The following ENKUR variants were observed in gnomAD, a reference collection of about 807,000 sequenced individuals.
ENKUR encodes the protein enkurin.
In ENKUR, 19 loss-of-function variants were observed where a neutral mutation model predicts 27.6. The ratio of observed to expected loss-of-function variants is 0.69; its 90% CI spans 0.48 to 1.01. The LOEUF (loss-of-function observed/expected upper bound fraction) is 1.01. Among genes scored for constraint, ENKUR ranks in the 50% least tolerant of loss-of-function variants. The pLI is 0.00. For synonymous variants in ENKUR, 117 were observed against 96.9 expected (o/e 1.21, Z -1.22); for missense variants, 312 against 310.5 (o/e 1.00, Z -0.04).
intron 2 of ENKUR, chr10:25,023,052 T>C (rs1157313496): frequency 2.6e-5 from 15 of 568,546 alleles, no homozygotes. Context: ...GTTTGGAAGA[T>C]TTTTAAACAG....
chr10:25,061,445 C>T (rs1851326879), intron 1 of ENKUR: 4 of 334,632 alleles, frequency 1.2e-5, no homozygotes, highest in Middle Eastern at 1.7e-3. Flanking sequence ...CCTCCTTCTG[C>T]TCCTCATTGC....
chr10:25,036,132 A>C (rs1193065519), intron 2 of ENKUR, among the ~76,000 whole-genome samples: 4 of 152,158 alleles, frequency 2.6e-5, no homozygotes, highest in African/African-American at 9.6e-5. Flanking sequence ...CTGTGTCCCC[A>C]CCCAAATCTC....
intron 2 of ENKUR, chr10:25,024,865 C>T (rs770057423): frequency 1.8e-5 from 29 of 1,613,950 alleles, no homozygotes; most frequent in Non-Finnish European, 2.5e-5. Flanking sequence ...AAAAACAGGA[C>T]ATTATGATCT....
Position 24,984,891 on chromosome 10 carries a change from G to C in ENKUR, c.609C>G (p.Asn203Lys). Residue 203 changes from asparagine (N) to lysine (K), a missense_variant, in exon 5 of 6, where the codon AAC (asparagine) becomes AAG (lysine). Asn to Lys is a moderately conservative substitution (Grantham distance 94). Coordinates refer to ENST00000331161, the MANE Select transcript of ENKUR (RefSeq NM_145010.4). ...GGAATTCTTTATGCACCTCTTCCCA[G>C]TTCTTTTTCAGCCCCTGCAAATGGT... ...REAVLQGLKK[N>K]WEEVHKEFQS... The C allele has an allele frequency of 6.2e-7, 1 of 1,611,804 alleles. No homozygotes were observed. The highest frequency in any genetic ancestry group is 8.5e-7 in the Non-Finnish European group (1 of 1,179,316).
chr10:25,043,576 A>T (rs1015486748), intron 2 of ENKUR, among the ~76,000 whole-genome samples: 9 of 152,016 alleles, frequency 5.9e-5, no homozygotes, highest in Admixed American at 1.3e-4. Flanking sequence ...ATTTTTTTTT[A>T]AAGTGTATCC....
chr10:24,990,869 G>C (rs914680419), intron 3 of ENKUR, among the ~76,000 whole-genome samples: 1 of 152,144 alleles, frequency 6.6e-6, no homozygotes, highest in African/African-American at 2.4e-5. Flanking sequence ...TGAGGGGTGG[G>C]GGGGTGGATC....
rs151110282 is a variant in ENKUR, at chr10:24,999,486, C to T, written c.138G>A (p.Met46Ile). The T allele has an allele frequency of 6.9e-4, 1,110 of 1,613,156 alleles. 1 individual carries two copies. Among genetic ancestry groups the T allele is most frequent in the Non-Finnish European group, 8.0e-4 (940 of 1,179,586 alleles). ...CAACTTTTGCTGGTCCCATAGTTTT[C>T]ATTGCAGTTTTAGCTTTTTGCATGT... is the stretch of plus-strand genomic sequence containing the variant. Reference protein sequence around the residue: ...KDDMQKAKTAMKTMGPAKVEV... With the variant: ...KDDMQKAKTAIKTMGPAKVEV... Residue 46 changes from methionine (M) to isoleucine (I), a missense_variant, in exon 2 of 6, where the codon ATG becomes ATA. Transcript: ENST00000331161.
rs762116878 is a variant in ENKUR, at chr10:24,995,888, C to T, written c.224-19G>A. On this transcript the variant is annotated intron_variant, in intron 2 of 5. Coordinates refer to ENST00000331161, the MANE Select transcript of ENKUR (RefSeq NM_145010.4). ...TTTTTTTCTGTTAAATATAACATTT[C>T]TTTGTTAATATTAAACTACAAACAC... 6.3e-7 allele frequency: 1 copy of T among 1,578,180 alleles called. No individual in the cohort carries two copies. Among genetic ancestry groups the T allele is most frequent in the Non-Finnish European group, 8.6e-7 (1 of 1,162,074 alleles).
chr10:25,007,584 G>A (rs1021171764), intron 1 of ENKUR, among the ~76,000 whole-genome samples: 10 of 151,992 alleles, frequency 6.6e-5, no homozygotes, highest in Non-Finnish European at 1.2e-4. Flanking sequence ...ACAGGCGCCC[G>A]CCACCACACC....
intron 2 of ENKUR, among the ~76,000 whole-genome samples, chr10:25,054,353 C>T (rs1250725587): frequency 2.6e-5 from 4 of 152,198 alleles, no homozygotes; most frequent in Middle Eastern, 6.8e-3. Flanking sequence ...ACCCATGAGG[C>T]GGAGGTTGCA....
At position 24,982,082 on chromosome 10, in the gene ENKUR, A is replaced by T. The variant is rs193147134; in HGVS notation, c.*2288T>A. On this transcript the variant is annotated 3_prime_UTR_variant, in exon 6 of 6. Coordinates refer to ENST00000331161, the MANE Select transcript of ENKUR (RefSeq NM_145010.4). ...TTCTAAGGAATGCAGATGAAAATGT[A>T]TACAGTGTCTTCTCCCCCATAAGCT... 1 of 152,382 alleles carries T rather than the reference A, an allele frequency of 6.6e-6. No homozygotes were observed. Among genetic ancestry groups the T allele is most frequent in the Admixed American group, 6.5e-5 (1 of 15,306 alleles). The allele number at this position is 152,382 out of a possible 1,614,324, so 9.4% of individuals were successfully genotyped here.
intron 2 of ENKUR, among the ~76,000 whole-genome samples, chr10:25,058,463 CT>C (rs1851285452): frequency 6.6e-6 from 1 of 152,166 alleles, no homozygotes; most frequent in African/African-American, 2.4e-5. Context: ...CTGCCTTGGA[CT>C]GTCAAAGCAC....
At chr10:25,024,675 T>G (rs774302244) in intron 2 of ENKUR, 2 of 1,614,148 alleles carry the variant, frequency 1.2e-6, no homozygotes, top group Non-Finnish European at 1.7e-6. Flanking sequence ...TTTATCATGC[T>G]TCCGCATATC....
At chr10:25,017,289 T>C (rs778466539), upstream of ENKUR, among the ~76,000 whole-genome samples, 4 of 152,240 alleles carry the variant, frequency 2.6e-5, no homozygotes, top group Admixed American at 2.6e-4. Flanking sequence ...CGTAAATCTA[T>C]GCACATGGGC....
At chr10:25,055,185 C>T (rs963257976) in intron 2 of ENKUR, among the ~76,000 whole-genome samples, 1 of 152,108 alleles carries the variant, frequency 6.6e-6, no homozygotes, top group Non-Finnish European at 1.5e-5. Flanking sequence ...ATGGCCCTTC[C>T]TTCTCACTCC....
intron 1 of ENKUR, among the ~76,000 whole-genome samples, chr10:25,012,535 G>A (rs1268372943): frequency 2.0e-5 from 3 of 152,240 alleles, no homozygotes; most frequent in Admixed American, 6.5e-5. Flanking sequence ...ACCTGGATGT[G>A]AGACATGGAG....
rs371206452 is a variant in ENKUR at position 25,003,158 on chromosome 10, T to TTTAA, written c.78-3616_78-3613dup. Reference sequence around the variant, plus strand: ...AGAATAAATTCAATTTCAGTGTTTCTTTAATTAATTAATTAATTAATTAAT... The same window carrying TTTAA: ...AGAATAAATTCAATTTCAGTGTTTCTTTAATTAATTAATTAATTAATTAATTAAT... On this transcript the variant is annotated intron_variant, in intron 1 of 5. Coordinates refer to ENST00000331161, the MANE Select transcript of ENKUR (RefSeq NM_145010.4). Among the ~76,000 whole-genome samples, 416 of 142,392 alleles carry TTTAA rather than the reference T, an allele frequency of 2.9e-3. 1 individual carries two copies. Among genetic ancestry groups the TTTAA allele is most frequent in the Admixed American group, 5.1e-3 (72 of 14,056 alleles). The allele number at this position is 142,392 out of a possible 152,430, so 93.4% of individuals were successfully genotyped here.
rs758998957 is a variant in ENKUR, at chr10:24,984,836, G to A, written c.664C>T (p.Pro222Ser). 7.4e-6 allele frequency: 12 copies of A among 1,613,372 alleles called. 1 individual carries two copies. In the South Asian group the frequency reaches 1.2e-4, roughly 16 times the overall value. ...QSLSVFIDSIPKKIRKQRLEE... is the reference protein window; with the variant it reads ...QSLSVFIDSISKKIRKQRLEE... ...AGCCTCTGCTTGCGGATCTTCTTTG[G>A]TATAGAATCTATAAAGACCGAGAGG... Residue 222 changes from proline (P) to serine (S), a missense_variant, in exon 5 of 6, where the codon CCA becomes TCA. By Grantham distance (74) the Pro-to-Ser change is moderately conservative (BLOSUM62 -1). Transcript: ENST00000331161.
exon 1 of ENKUR, chr10:25,062,231 G>A (rs1851337438): frequency 6.6e-6 from 1 of 151,818 alleles, no homozygotes; most frequent in Non-Finnish European, 1.5e-5. Context: ...GAGCAAGTAG[G>A]ACTTGTTGCT....
Sources: allele counts gnomAD v4.1 joint callset (sites outside exome capture counted in the v4.1 genomes callset), GRCh38; gene constraint gnomAD v4.1.1; transcripts MANE v1.5; gene names NCBI Gene and HGNC (gene_info 2026-07-23, HGNC 2026-07-21).